Variants in TENM1 observed in about 807,000 individuals in gnomAD.
TENM1 encodes teneurin transmembrane protein 1.
TENM1 carries 35 observed loss-of-function variants against 174.8 expected under a neutral mutation model. That is an observed-to-expected ratio of 0.20 (90% CI 0.15 to 0.27). The LOEUF is 0.27. TENM1 is among the 10% of genes least tolerant of loss of function. TENM1 has a pLI of 1.00. For synonymous variants in TENM1, 781 were observed against 798.7 expected (o/e 0.98, Z 0.37); for missense variants, 1,633 against 2,130.1 (o/e 0.77, Z 4.59).
At chrX:124,470,233 T>G (rs1366377637) in intron 22 of TENM1, among the ~76,000 whole-genome samples, 2 of 112,246 alleles carry the variant, frequency 1.8e-5, no homozygotes, top group Non-Finnish European at 3.8e-5. Flanking sequence ...GCAACTGGCT[T>G]AATACATTAT....
intron 3 of TENM1, among the ~76,000 whole-genome samples, chrX:124,776,358 A>G (rs1217113888): frequency 8.9e-6 from 1 of 112,072 alleles, no homozygotes; most frequent in East Asian, 2.8e-4. Flanking sequence ...ATTATAATAA[A>G]TAATTTTGGG....
intron 3 of TENM1, among the ~76,000 whole-genome samples, chrX:124,744,812 C>T (rs1040750660): frequency 1.8e-5 from 2 of 111,381 alleles, no homozygotes; most frequent in Non-Finnish European, 3.8e-5. Context: ...ATAAAGTTTT[C>T]ATTTTCAGGG....
chrX:124,609,678 C>T (rs1475177092), intron 11 of TENM1, among the ~76,000 whole-genome samples: 3 of 111,339 alleles, frequency 2.7e-5, no homozygotes, highest in Admixed American at 9.6e-5. Context: ...CTTGGTTGCC[C>T]CCACTGGAGT....
At chrX:124,712,996 T>C (rs904096866) in intron 4 of TENM1, among the ~76,000 whole-genome samples, 5 of 111,531 alleles carry the variant, frequency 4.5e-5, no homozygotes, top group African/African-American at 1.6e-4. Context: ...CTAACAACTA[T>C]ATAAAGGAGA....
the TENM1 span, among the ~76,000 whole-genome samples, chrX:124,987,501 C>T: frequency 9.0e-6 from 1 of 111,086 alleles, no homozygotes; most frequent in Non-Finnish European, 1.9e-5. Context: ...TATGTAGAAA[C>T]TTGAAAACAT....
At chrX:124,768,191 C>T (rs1361379072) in intron 3 of TENM1, among the ~76,000 whole-genome samples, 1 of 112,058 alleles carries the variant, frequency 8.9e-6, no homozygotes, top group Non-Finnish European at 1.9e-5. Flanking sequence ...TATTTTAATA[C>T]ATAAACATAT....
rs867844955 is a variant in TENM1, at chrX:124,471,374, T to A, written c.3949+10358A>T. Among the ~76,000 whole-genome samples the A allele has an allele frequency of 1.1e-4, 3 of 28,158 alleles. 1 individual carries two copies. Among genetic ancestry groups the A allele is most frequent in the Non-Finnish European group, 1.7e-4 (3 of 17,613 alleles). 24.5% of individuals were successfully genotyped at this position (28,158 alleles called of 115,157 possible). On this transcript the variant is annotated intron_variant, in intron 22 of 31. Transcript: ENST00000422452. ...TATTATAATATATAGTACTATATATTATAATATATAGTACTATATATAATA... is the reference window on the plus strand; with the variant it reads ...TATTATAATATATAGTACTATATATAATAATATATAGTACTATATATAATA...
the TENM1 span, among the ~76,000 whole-genome samples, chrX:125,132,369 T>G: frequency 2.7e-5 from 3 of 111,846 alleles, no homozygotes; most frequent in Non-Finnish European, 5.6e-5. Flanking sequence ...AAGCTCCTTT[T>G]ATCTTCCTTT....
chrX:125,165,624 C>G, the TENM1 span, among the ~76,000 whole-genome samples: 16 of 111,756 alleles, frequency 1.4e-4, no homozygotes, highest in African/African-American at 4.9e-4. Context: ...CTTCTGAAAG[C>G]CTGGTGGCAC....
chrX:125,158,760 A>G, the TENM1 span, among the ~76,000 whole-genome samples: 3 of 111,694 alleles, frequency 2.7e-5, no homozygotes, highest in Non-Finnish European at 5.6e-5. Context: ...TTAGTAGGCA[A>G]ATTGCCCACC....
chrX:124,399,842 T>C (rs771204531), intron 27 of TENM1, among the ~76,000 whole-genome samples: 1 of 111,364 alleles, frequency 9.0e-6, no homozygotes, highest in Non-Finnish European at 1.9e-5. Context: ...CACGGTGGCA[T>C]GCGCCTGTAG....
At chrX:124,401,215 G>A (rs2060395903) in intron 27 of TENM1, among the ~76,000 whole-genome samples, 1 of 111,592 alleles carries the variant, frequency 9.0e-6, no homozygotes, top group African/African-American at 3.3e-5. Flanking sequence ...TGGGGGAGGT[G>A]TGATCGGCAG....
At chrX:124,400,030 A>C in intron 27 of TENM1, among the ~76,000 whole-genome samples, 1 of 111,426 alleles carries the variant, frequency 9.0e-6, no homozygotes, top group East Asian at 2.8e-4. Flanking sequence ...CCTGGACCCC[A>C]AAAATCAATA....
chrX:124,583,472 G>A (rs1244687020), intron 11 of TENM1, among the ~76,000 whole-genome samples: 3 of 111,665 alleles, frequency 2.7e-5, no homozygotes, highest in Non-Finnish European at 5.6e-5. Flanking sequence ...TGCAGCTGAG[G>A]GTCCTGTCTG....
chrX:124,630,755 A>G (rs773778769), intron 11 of TENM1, among the ~76,000 whole-genome samples: 2 of 111,262 alleles, frequency 1.8e-5, no homozygotes, highest in Non-Finnish European at 3.8e-5. Flanking sequence ...TATATATCCA[A>G]TCTGGAAGAA....
chrX:124,789,938 G>C (rs1462403609), intron 3 of TENM1, among the ~76,000 whole-genome samples: 1 of 111,548 alleles, frequency 9.0e-6, no homozygotes, highest in African/African-American at 3.3e-5. Flanking sequence ...TCATGCTGCT[G>C]ATAAAGTCAT....
In TENM1 at chrX:124,461,836, C is replaced by T. The variant is rs776306815; in HGVS notation, c.3950-8345G>A. 2.4e-3 allele frequency among the ~76,000 whole-genome samples: 272 copies of T among 111,093 alleles called. 1 individual carries two copies. Among genetic ancestry groups the T allele is most frequent in the African/African-American group, 8.3e-3 (255 of 30,571 alleles). On this transcript the variant is annotated intron_variant, in intron 22 of 31. Transcript: ENST00000422452. ...TAGAGTGATGTAGGTTACAATAATC[C>T]ATTGTATATTTCAAAATAACTAGAA...
chrX:125,167,852 T>C, the TENM1 span, among the ~76,000 whole-genome samples: 4 of 111,437 alleles, frequency 3.6e-5, no homozygotes, highest in East Asian at 1.1e-3. Context: ...GACTGAAGAG[T>C]CAGACCTCCA....
chrX:125,001,852 T>TAGATACACACACACACAC, the TENM1 span, among the ~76,000 whole-genome samples: 9 of 84,926 alleles, frequency 1.1e-4, no homozygotes, highest in African/African-American at 3.6e-4. Context: ...TATAGATAGA[T>TAGATACACACACACACAC]ACACACACAC....
Sources: allele counts gnomAD v4.1 joint callset (sites outside exome capture counted in the v4.1 genomes callset), GRCh38; gene constraint gnomAD v4.1.1; transcripts MANE v1.5; gene names NCBI Gene and HGNC (gene_info 2026-07-23, HGNC 2026-07-21).